The following PITPNA variants were observed in gnomAD, a reference collection of about 807,000 sequenced individuals.
PITPNA encodes phosphatidylinositol transfer protein alpha, also known as phosphatidylinositol transfer protein alpha isoform.
Under a neutral mutation model 50.3 loss-of-function variants are expected in PITPNA, and 13 were observed. That is an observed-to-expected ratio of 0.26 (90% CI 0.17 to 0.41). The LOEUF (loss-of-function observed/expected upper bound fraction) is 0.41, where lower values mean the gene tolerates loss of function less well. PITPNA is among the 10% of genes least tolerant of loss of function. PITPNA has a pLI of 1.00. For synonymous variants in PITPNA, 120 were observed against 119.6 expected, an observed-to-expected ratio of 1.00 and a Z score of -0.02; for missense variants, 207 against 333.4, an observed-to-expected ratio of 0.62 and a Z score of 2.95.
At chr17:1,549,813 T>C (rs1313038938) in intron 3 of PITPNA, among the ~76,000 whole-genome samples, 1 of 145,502 alleles carries the variant, frequency 6.9e-6, no homozygotes, top group Non-Finnish European at 1.5e-5. Context: ...TAGCTGGGAC[T>C]ACAGGCATGC....
rs558916887 is a variant in PITPNA, at chr17:1,527,095, T to C, written c.769-5450A>G. On this transcript the variant is annotated intron_variant, in intron 10 of 11. Transcript: ENST00000313486. Reference sequence around the variant, plus strand: ...CTTACAATGATCTAAGAATGCTTATTTCCTGTTTCCTGGGGCCTACACGAC... The same window carrying C: ...CTTACAATGATCTAAGAATGCTTATCTCCTGTTTCCTGGGGCCTACACGAC... Among the ~76,000 whole-genome samples, 4 of 151,472 alleles carry C rather than the reference T, an allele frequency of 2.6e-5. No homozygotes were observed. In the South Asian group the frequency reaches 8.4e-4, roughly 32 times the overall value.
At chr17:1,526,958 A>G (rs1477779499) in intron 10 of PITPNA, among the ~76,000 whole-genome samples, 1 of 152,100 alleles carries the variant, frequency 6.6e-6, no homozygotes, top group Non-Finnish European at 1.5e-5. Flanking sequence ...GGGTTTCACC[A>G]TCTTGGCCAG....
rs398041515 is a variant in PITPNA, at chr17:1,524,343, CTTTTT to C, written c.769-2703_769-2699del. The stretch of plus-strand genomic sequence containing the variant: ...ACAGGCGTGAGCCATCGCACCTGGC[CTTTTT>C]TTTTTTTTTTTTTTGAGACAGGGTC... On this transcript the variant is annotated intron_variant, in intron 10 of 11. Transcript: ENST00000313486. Among the ~76,000 whole-genome samples, 252 of 121,008 alleles carry C rather than the reference CTTTTT, an allele frequency of 2.1e-3. 2 individuals carry two copies. The highest frequency in any genetic ancestry group is 6.5e-3 in the African/African-American group (206 of 31,656). 79.4% of individuals were successfully genotyped at this position (121,008 alleles called of 152,430 possible).
intron 4 of PITPNA, among the ~76,000 whole-genome samples, chr17:1,545,701 C>T (rs184090512): frequency 2.0e-5 from 3 of 152,254 alleles, no homozygotes; most frequent in South Asian, 2.1e-4. Context: ...GAACATTTAA[C>T]GTGCAGAAAA....
rs148939717 is a variant in PITPNA at position 1,556,393 on chromosome 17, C to A, written c.51+2136G>T. Reference sequence around the variant, plus strand: ...CCTCAATGCTGCAGAAAAACCATCACAAGTGAACACCCGCCAACTGTGGAT... The same window carrying A: ...CCTCAATGCTGCAGAAAAACCATCAAAAGTGAACACCCGCCAACTGTGGAT... On this transcript the variant is annotated intron_variant, in intron 2 of 11. Coordinates refer to ENST00000313486, the MANE Select transcript of PITPNA (RefSeq NM_006224.4). 6.6e-3 allele frequency among the ~76,000 whole-genome samples: 999 copies of A among 152,294 alleles called. 18 individuals are homozygous for A. Among genetic ancestry groups the A allele is most frequent in the African/African-American group, 0.022 (913 of 41,552 alleles).
chr17:1,525,611 C>T (rs146287301), intron 10 of PITPNA, among the ~76,000 whole-genome samples: 6,740 of 151,366 alleles, frequency 0.045, 517 homozygotes, highest in African/African-American at 0.15. Context: ...CTCCACCTCC[C>T]GGGTTCAGGC....
intron 6 of PITPNA, among the ~76,000 whole-genome samples, chr17:1,539,384 G>A: frequency 6.6e-6 from 1 of 151,334 alleles, no homozygotes; most frequent in Non-Finnish European, 1.5e-5. Flanking sequence ...AGCCTCCTGA[G>A]GAGCTGGGCC....
At chr17:1,546,573 G>A (rs2075675517) in intron 4 of PITPNA, among the ~76,000 whole-genome samples, 1 of 152,180 alleles carries the variant, frequency 6.6e-6, no homozygotes, top group Non-Finnish European at 1.5e-5. Context: ...CAGGTCAGCA[G>A]AGGCTGGTGG....
At chr17:1,553,553 A>C (rs1378768365) in intron 2 of PITPNA, among the ~76,000 whole-genome samples, 3 of 152,068 alleles carry the variant, frequency 2.0e-5, no homozygotes, top group Non-Finnish European at 4.4e-5. Context: ...ATCCATCAGG[A>C]TTTAAAGAGG....
rs763099447 is a variant in PITPNA at position 1,535,236 on chromosome 17, G to A, written c.591C>T (p.Thr197=). The change falls in exon 9 of 12, where the codon ACC becomes ACT. Residue 197 remains threonine, a synonymous_variant. Coordinates refer to ENST00000313486, the MANE Select transcript of PITPNA (RefSeq NM_006224.4). ...CPYMCAYKLV[T]VKFKWWGLQN... ...GCAGGCCCCACCACTTGAACTTGAC[G>A]GTCACCAGTTTGTATGCACACATAT... 8 of 1,613,932 alleles carry A rather than the reference G, an allele frequency of 5.0e-6. No homozygotes were observed. Among genetic ancestry groups the A allele is most frequent in the South Asian group, 4.4e-5 (4 of 91,082 alleles).
rs1301289936 is a variant in PITPNA, at chr17:1,535,055, C to A, written c.645+127G>T. 33 of 634,396 alleles carry A rather than the reference C, an allele frequency of 5.2e-5. No homozygotes were observed. The East Asian group carries it at 8.7e-4, about 17-fold the overall frequency. The allele number at this position is 634,396 out of a possible 1,614,324, so 39.3% of individuals were successfully genotyped here. On this transcript the variant is annotated intron_variant, in intron 9 of 11. Transcript: ENST00000313486. ...ATGGATGAAGTTCTCCACCACCCCC[C>A]ACCGCACACACACGCAGTCACTGGG... is the stretch of plus-strand genomic sequence containing the variant.
intron 3 of PITPNA, among the ~76,000 whole-genome samples, chr17:1,549,974 C>T (rs547160810): frequency 2.6e-5 from 4 of 152,308 alleles, no homozygotes; most frequent in South Asian, 4.1e-4. Context: ...CGCGCCCAGC[C>T]GTCCTTGGTT....
chr17:1,525,504 CTTTTTTTT>C (rs11329480), intron 10 of PITPNA, among the ~76,000 whole-genome samples: 6 of 101,718 alleles, frequency 5.9e-5, no homozygotes, highest in South Asian at 6.3e-4. Context: ...CACTGGGAAA[CTTTTTTTT>C]TTTTTTTTTT....
At chr17:1,552,143 A>G (rs2075713049) in intron 3 of PITPNA, among the ~76,000 whole-genome samples, 1 of 152,276 alleles carries the variant, frequency 6.6e-6, no homozygotes, top group Non-Finnish European at 1.5e-5. Context: ...TAGAGACTAG[A>G]AATTAAGATC....
intron 7 of PITPNA, among the ~76,000 whole-genome samples, chr17:1,536,715 T>G (rs2075619933): frequency 6.6e-6 from 1 of 151,886 alleles, no homozygotes; most frequent in Non-Finnish European, 1.5e-5. Flanking sequence ...TGCCTCAGCC[T>G]CCTGAGTAGC....
chr17:1,548,408 G>A (rs2075690156), intron 3 of PITPNA, 21 bp from the exon 4 acceptor site: 3 of 1,522,354 alleles, frequency 2.0e-6, no homozygotes, highest in East Asian at 2.3e-5. Flanking sequence ...GAAAAAAAGG[G>A]GTATAAAGAG....
chr17:1,553,385 C>T (rs776098174), intron 2 of PITPNA, among the ~76,000 whole-genome samples: 11 of 152,144 alleles, frequency 7.2e-5, no homozygotes, highest in Non-Finnish European at 1.3e-4. Context: ...TTTCACACCA[C>T]CCATCAGGGT....
intron 10 of PITPNA, among the ~76,000 whole-genome samples, chr17:1,528,263 C>T (rs1408874479): frequency 6.6e-6 from 1 of 152,186 alleles, no homozygotes; most frequent in African/African-American, 2.4e-5. Context: ...GTCTCAGCCT[C>T]CCAAGTAGCT....
chr17:1,538,950 C>A lies in PITPNA; in HGVS notation c.375G>T (p.Val125=). 6.2e-7 allele frequency: 1 copy of A among 1,611,212 alleles called. No individual in the cohort carries two copies. The highest frequency in any genetic ancestry group is 8.5e-7 in the Non-Finnish European group (1 of 1,177,442). ...HKPDLGTQEN[V]HKLEPEAWKH... is the part of the protein sequence containing the mutation. The stretch of plus-strand genomic sequence containing the variant: ...TCCACGCCTCAGGCTCCAGCTTATG[C>A]ACCTGTGGGAACAAGTGGGGAACCA... Residue 125 remains valine, a splice_region_variant and synonymous_variant, in exon 7 of 12, where the codon GTG becomes GTT. Coordinates refer to ENST00000313486, the MANE Select transcript of PITPNA (RefSeq NM_006224.4).
Sources: gnomAD v4.1 joint callset for allele counts (sites outside exome capture counted in the v4.1 genomes callset) on GRCh38, gnomAD v4.1.1 for gene constraint, MANE v1.5 for transcripts, NCBI Gene and HGNC (gene_info 2026-07-23, HGNC 2026-07-21) for gene names.